CD160: variants seen among roughly 807,000 people sequenced by gnomAD.
The protein encoded by CD160 is CD160 molecule.
CD160 carries 11 observed loss-of-function variants against 19.2 expected under a neutral mutation model. The ratio of observed to expected loss-of-function variants is 0.57; its 90% CI spans 0.36 to 0.95. The LOEUF is 0.95. CD160 is among the 40% of genes least tolerant of loss of function. The pLI is 0.01. For synonymous variants in CD160, 75 were observed against 81.1 expected, an observed-to-expected ratio of 0.93 and a Z score of 0.40; for missense variants, 182 against 213.2, an observed-to-expected ratio of 0.85 and a Z score of 0.91.
At chr1:145,727,158 A>G (rs782655542) in intron 2 of CD160, among the ~76,000 whole-genome samples, 4 of 152,164 alleles carry the variant, frequency 2.6e-5, no homozygotes, top group Non-Finnish European at 5.9e-5. Context: ...TTTTTAAAAC[A>G]CATACACACA....
chr1:145,722,358 T>G (rs1656884935), intron 1 of CD160, among the ~76,000 whole-genome samples: 1 of 152,126 alleles, frequency 6.6e-6, no homozygotes, highest in African/African-American at 2.4e-5. Flanking sequence ...ATTACACAGA[T>G]AGTTAAGTTT....
rs1657618311 is a variant in CD160, at chr1:145,739,240, G to C, written c.*747G>C. ...ACCTCTTGTCATAGTTAAGCAGAGA[G>C]TGGGCAGGATATTCCTGATAGGAGG... On this transcript the variant is annotated 3_prime_UTR_variant, in exon 6 of 6. Transcript: ENST00000369288. 6.6e-6 allele frequency: 1 copy of C among 152,258 alleles called. No individual in the cohort carries two copies. The allele number at this position is 152,258 out of a possible 1,614,324, so 9.4% of individuals were successfully genotyped here. A position where few individuals can be genotyped will look rare whatever the true frequency, so the allele number is the denominator to read the frequency against.
intron 1 of CD160, among the ~76,000 whole-genome samples, chr1:145,722,483 G>A (rs1158729753): frequency 6.6e-6 from 1 of 152,202 alleles, no homozygotes; most frequent in Non-Finnish European, 1.5e-5. Flanking sequence ...ACACATTATA[G>A]ATGCTCCGTG....
At chr1:145,731,926 C>G (rs1553709439) in intron 4 of CD160, among the ~76,000 whole-genome samples, 1 of 152,116 alleles carries the variant, frequency 6.6e-6, no homozygotes, top group East Asian at 1.9e-4. Context: ...GAATCAGAAA[C>G]TAGAAAGGGG....
intron 1 of CD160, among the ~76,000 whole-genome samples, chr1:145,722,725 G>A (rs894884976): frequency 6.6e-6 from 1 of 152,154 alleles, no homozygotes; most frequent in Admixed American, 6.5e-5. Flanking sequence ...CCGAGTAGCT[G>A]GGACTACAGG....
intron 1 of CD160, among the ~76,000 whole-genome samples, chr1:145,724,561 T>C (rs1186093352): frequency 2.0e-5 from 3 of 152,218 alleles, no homozygotes; most frequent in African/African-American, 7.2e-5. Context: ...TATTCATCCA[T>C]TACCATTTTA....
In CD160 at chr1:145,730,973, A is replaced by C. The variant is rs1657268149; in HGVS notation, c.303A>C (p.Gln101His). The C allele has an allele frequency of 6.2e-7, 1 of 1,614,062 alleles. No individual in the cohort carries two copies. Among genetic ancestry groups the C allele is most frequent in the Admixed American group, 1.7e-5 (1 of 60,008 alleles). The change falls in exon 4 of 6, where the codon CAA becomes CAC. Residue 101 changes from glutamine to histidine, a missense_variant. Transcript: ENST00000369288. The part of the protein sequence containing the change: ...ISSQLMFTIS[Q>H]VTPLHSGTYQ... ...CTCAGTTGATGTTCACCATAAGCCA[A>C]GTCACACCGTTGCACAGTGGGACCT...
chr1:145,726,594 C>T (rs12744816), intron 2 of CD160, among the ~76,000 whole-genome samples: 4 of 151,880 alleles, frequency 2.6e-5, no homozygotes, highest in Admixed American at 1.3e-4. Flanking sequence ...GGTGGGGGCC[C>T]GGGGGAGGGA....
chr1:145,738,378 A>T, intron 5 of CD160, 108 bp from the exon 6 acceptor site: 3 of 599,566 alleles, frequency 5.0e-6, no homozygotes, highest in Middle Eastern at 2.8e-4. Flanking sequence ...CTTTACAGTC[A>T]TGAGGGCCTA....
intron 4 of CD160, among the ~76,000 whole-genome samples, chr1:145,734,429 G>C: frequency 6.6e-6 from 1 of 152,258 alleles, no homozygotes; most frequent in Admixed American, 6.5e-5. Flanking sequence ...GCTTCTCACT[G>C]TCTATGGAAT....
At chr1:145,728,841 CCTCT>C (rs587638334) in intron 3 of CD160, among the ~76,000 whole-genome samples, 42 of 152,186 alleles carry the variant, frequency 2.8e-4, no homozygotes, top group African/African-American at 8.2e-4. Flanking sequence ...GATACTATTG[CCTCT>C]CTATCAGACA....
At chr1:145,733,013 T>C (rs1229229308) in intron 4 of CD160, among the ~76,000 whole-genome samples, 1 of 152,230 alleles carries the variant, frequency 6.6e-6, no homozygotes, top group Admixed American at 6.5e-5. Context: ...CTCGAAGAGT[T>C]GACAGTGGTT....
At position 145,727,126 on chromosome 1, in the gene CD160, A is replaced by G. The variant is rs587669237; in HGVS notation, c.-72-1130A>G. Among the ~76,000 whole-genome samples the G allele has an allele frequency of 8.3e-4, 126 of 152,288 alleles. 1 individual carries two copies. Among genetic ancestry groups the G allele is most frequent in the Non-Finnish European group, 6.6e-4 (45 of 68,004 alleles). On this transcript the variant is annotated intron_variant, in intron 2 of 5. Coordinates refer to ENST00000369288, the MANE Select transcript of CD160 (RefSeq NM_007053.4). ...ATGTAATTACCACTTCAAAAGTTAT[A>G]AACTACAAAACCTTAAATATATTTT...
chr1:145,730,391 G>A (rs587705253), intron 3 of CD160, among the ~76,000 whole-genome samples: 12 of 152,238 alleles, frequency 7.9e-5, no homozygotes, highest in East Asian at 1.9e-4. Flanking sequence ...CTGACAGTAG[G>A]GCTCACGTCC....
chr1:145,727,601 C>A (rs1255753891), intron 2 of CD160, among the ~76,000 whole-genome samples: 1 of 151,742 alleles, frequency 6.6e-6, no homozygotes, highest in South Asian at 2.1e-4. Flanking sequence ...GAAAAAAAAG[C>A]CTCATAAAAA....
Position 145,736,139 on chromosome 1 carries a change from G to C in CD160, c.538+5G>C. On this transcript the variant is annotated splice_donor_5th_base_variant and intron_variant, in intron 5 of 5. Coordinates refer to ENST00000369288, the MANE Select transcript of CD160 (RefSeq NM_007053.4). ...CCAGCCTTGTGGCCCTTCAAGGTAT[G>C]TCCAAAAGAGCCGTAAGCACCCCAA... 6.2e-7 allele frequency: 1 copy of C among 1,614,138 alleles called. No homozygotes were observed. Among genetic ancestry groups the C allele is most frequent in the East Asian group, 2.2e-5 (1 of 44,880 alleles).
At chr1:145,733,877 G>A (rs139939166) in intron 4 of CD160, among the ~76,000 whole-genome samples, 60 of 152,124 alleles carry the variant, frequency 3.9e-4, no homozygotes, top group Non-Finnish European at 6.9e-4. Context: ...CCCTGCAACT[G>A]ACCAGCAAAT....
intron 5 of CD160, chr1:145,737,581 A>G (rs148351777): frequency 2.0e-5 from 3 of 152,326 alleles, no homozygotes; most frequent in African/African-American, 7.2e-5. Context: ...TGAATATGAA[A>G]CAGTCTGACC....
At chr1:145,734,967 T>C (rs1273657583) in intron 4 of CD160, among the ~76,000 whole-genome samples, 1 of 151,494 alleles carries the variant, frequency 6.6e-6, no homozygotes, top group African/African-American at 2.4e-5. Flanking sequence ...AATAGCCGAG[T>C]GTGGTAGCAC....
Sources: allele counts gnomAD v4.1 joint callset (sites outside exome capture counted in the v4.1 genomes callset), GRCh38; gene constraint gnomAD v4.1.1; transcripts MANE v1.5; gene names NCBI Gene and HGNC (gene_info 2026-07-23, HGNC 2026-07-21).